The following ZNF765 variants were observed in gnomAD, a reference collection of about 807,000 sequenced individuals.
The protein encoded by ZNF765 is zinc finger protein 765.
In ZNF765, 37 loss-of-function variants were observed where a neutral mutation model predicts 44.7. The ratio of observed to expected loss-of-function variants is 0.83; its 90% confidence interval spans 0.64 to 1.09. The LOEUF is 1.09. ZNF765 is among the 50% of genes least tolerant of loss of function. ZNF765 has a pLI of 0.00. For synonymous variants in ZNF765, 201 were observed against 213.7 expected, an observed-to-expected ratio of 0.94 and a Z score of 0.52; for missense variants, 594 against 626.1, an observed-to-expected ratio of 0.95 and a Z score of 0.55.
At chr19:53,420,367 C>G (rs2085900097) in intron 3 of ZNF765, among the ~76,000 whole-genome samples, 1 of 152,058 alleles carries the variant, frequency 6.6e-6, no homozygotes, top group South Asian at 2.1e-4. Context: ...GTAATCAAAT[C>G]CAAATCTACC....
chr19:53,396,613 T>C (rs1372716497), intron 1 of ZNF765, among the ~76,000 whole-genome samples: 1 of 151,962 alleles, frequency 6.6e-6, no homozygotes, highest in Non-Finnish European at 1.5e-5. Context: ...TGTTCTAAAG[T>C]GGGGTTTTCT....
intron 2 of ZNF765, among the ~76,000 whole-genome samples, chr19:53,401,589 G>A (rs975111549): frequency 1.0e-4 from 15 of 147,094 alleles, no homozygotes; most frequent in Non-Finnish European, 1.6e-4. Flanking sequence ...AAAAAAAAAC[G>A]TTTCTGGGCC....
intron 3 of ZNF765, among the ~76,000 whole-genome samples, chr19:53,404,377 G>C (rs2085756124): frequency 6.6e-6 from 1 of 152,138 alleles, no homozygotes; most frequent in African/African-American, 2.4e-5. Flanking sequence ...TGCCCGGCCT[G>C]TCTTTTTATT....
intron 2 of ZNF765, among the ~76,000 whole-genome samples, chr19:53,398,586 G>A (rs1044504351): frequency 1.3e-4 from 20 of 152,150 alleles, no homozygotes; most frequent in Non-Finnish European, 1.9e-4. Context: ...GTTTTATTCC[G>A]TCTTTATTTT....
At chr19:53,398,065 C>T (rs1246063718) in intron 2 of ZNF765, 35 bp downstream of exon 2, 10 of 1,613,774 alleles carry the variant, frequency 6.2e-6, no homozygotes, top group Non-Finnish European at 8.5e-6. Flanking sequence ...GTTCTGTCTC[C>T]TTCTTTTCAG....
At chr19:53,407,514 A>G (rs2085786443) in intron 3 of ZNF765, among the ~76,000 whole-genome samples, 184 bp from the exon 4 acceptor site, 1 of 152,194 alleles carries the variant, frequency 6.6e-6, no homozygotes, top group Admixed American at 6.5e-5. Context: ...CCGTAAAAAT[A>G]ATTTGAAGCA....
At chr19:53,401,103 C>T (rs538421314) in intron 2 of ZNF765, among the ~76,000 whole-genome samples, 50 of 152,034 alleles carry the variant, frequency 3.3e-4, no homozygotes, top group Non-Finnish European at 6.0e-4. Flanking sequence ...TGGGATCAAG[C>T]AATTCTCCTG....
At chr19:53,405,055 TA>T (rs1429210925) in intron 3 of ZNF765, among the ~76,000 whole-genome samples, 1 of 151,980 alleles carries the variant, frequency 6.6e-6, no homozygotes, top group Non-Finnish European at 1.5e-5. Context: ...TCAAATCTAC[TA>T]AATACAAGAA....
chr19:53,399,184 A>G (rs887575756), intron 2 of ZNF765, among the ~76,000 whole-genome samples: 18 of 150,400 alleles, frequency 1.2e-4, no homozygotes, highest in Non-Finnish European at 2.2e-4. Context: ...TGCTGCACCC[A>G]TTAACTCATC....
chr19:53,399,486 AAAAATTATTC>A (rs1265629860), intron 2 of ZNF765, among the ~76,000 whole-genome samples: 1 of 151,992 alleles, frequency 6.6e-6, no homozygotes, highest in African/African-American at 2.4e-5. Flanking sequence ...AGACTTTAGA[AAAAATTATTC>A]AATAAATTGA....
rs540552314 is a variant in ZNF765, at chr19:53,408,775, A to G, written c.1220A>G (p.Glu407Gly). ...ACATACCATCGTAGACTTCATACTG[A>G]AGAGAAACCTTACAAGTGTAATGAG... The part of the protein sequence containing the change: ...SLTYHRRLHT[E>G]EKPYKCNECG... The change falls in exon 4 of 4, where the codon GAA becomes GGA. Residue 407 changes from glutamate (E) to glycine (G), a missense_variant. Physicochemically the swap from Glu to Gly is moderately conservative, Grantham distance 98 (BLOSUM62 -2). Around this residue, in one of 2 missense-constraint regions of ZNF765, gnomAD observed 567 missense variants for 572.6 expected, o/e 0.99. Transcript: ENST00000396408. 2.5e-6 allele frequency: 4 copies of G among 1,610,146 alleles called. No homozygotes were observed. The highest frequency in any genetic ancestry group is 2.5e-6 in the Non-Finnish European group (3 of 1,178,620).
rs8111082 is a variant in ZNF765, at chr19:53,411,840, G to A, written c.*2713G>A. 125,237 of 152,216 alleles carry A rather than the reference G, an allele frequency of 0.82. 51,825 individuals carry two copies. Among genetic ancestry groups the A allele is most frequent in the Admixed American group, 0.87 (13,333 of 15,288 alleles). The allele number at this position is 152,216 out of a possible 1,614,324, so 9.4% of individuals were successfully genotyped here. On this transcript the variant is annotated 3_prime_UTR_variant, in exon 4 of 4. Transcript: ENST00000396408. ...TTAAAATTTTCTTTTAAAGTTGTTT[G>A]TTGTTAAAAGTATGGAAATTCAACT...
At chr19:53,403,515 G>A (rs2085747662) in intron 3 of ZNF765, among the ~76,000 whole-genome samples, 1 of 152,168 alleles carries the variant, frequency 6.6e-6, no homozygotes, top group African/African-American at 2.4e-5. Context: ...TCAATGGTAC[G>A]ATCTTGGCTC....
chr19:53,405,941 AT>A (rs2085770722), intron 3 of ZNF765, among the ~76,000 whole-genome samples: 1 of 99,894 alleles, frequency 1.0e-5, no homozygotes, highest in Non-Finnish European at 2.0e-5. Context: ...ATATATATAT[AT>A]ATATATATAA....
chr19:53,399,386 C>T (rs1304619364), intron 2 of ZNF765, among the ~76,000 whole-genome samples: 2 of 152,098 alleles, frequency 1.3e-5, no homozygotes, highest in Non-Finnish European at 2.9e-5. Context: ...ATCCTCCACC[C>T]TTCTTCCAAA....
chr19:53,400,435 A>G (rs553096498), intron 2 of ZNF765, among the ~76,000 whole-genome samples: 27 of 152,154 alleles, frequency 1.8e-4, no homozygotes, highest in Admixed American at 5.9e-4. Flanking sequence ...AAGGGTGATT[A>G]CTTCCTCTAG....
downstream of ZNF765, among the ~76,000 whole-genome samples, chr19:53,414,490 C>CACACACA (rs1568786145): frequency 4.1e-4 from 7 of 17,248 alleles, no homozygotes; most frequent in African/African-American, 7.7e-4. Context: ...CACACACACA[C>CACACACA]CCCCCCCCCC....
intron 2 of ZNF765, among the ~76,000 whole-genome samples, chr19:53,399,472 T>C (rs1338375524): frequency 6.6e-6 from 1 of 151,612 alleles, no homozygotes; most frequent in South Asian, 2.1e-4. Flanking sequence ...TTCTGCATCA[T>C]ATGAGACTTT....
chr19:53,414,501 C>A (rs754699355), downstream of ZNF765, among the ~76,000 whole-genome samples: 2,352 of 33,982 alleles, frequency 0.069, 732 homozygotes, highest in East Asian at 0.28. Context: ...CCCCCCCCCC[C>A]CCCCCCCCGG....
Sources: allele counts gnomAD v4.1 joint callset (sites outside exome capture counted in the v4.1 genomes callset), GRCh38; gene constraint gnomAD v4.1.1; regional missense constraint gnomAD v4.1.1; transcripts MANE v1.5; gene names NCBI Gene and HGNC (gene_info 2026-07-23, HGNC 2026-07-21).